Variants in SPECC1L observed in about 807,000 individuals in gnomAD.
SPECC1L encodes the protein cytospin-A.
In SPECC1L, 40 loss-of-function variants were observed where a neutral mutation model predicts 116.8. That is an observed-to-expected ratio of 0.34 (90% CI 0.27 to 0.45). SPECC1L has a LOEUF of 0.45. Ranked by LOEUF, SPECC1L falls within the 20% of genes least tolerant of loss-of-function variation. SPECC1L has a pLI of 1.00. For missense variants in SPECC1L, 1,110 were observed against 1,373.6 expected (o/e 0.81, Z 3.03); for synonymous variants, 504 against 500.6 (o/e 1.01, Z -0.09).
rs2042783374 is a variant in SPECC1L at position 24,415,393 on chromosome 22, TTTC to T, written c.*774_*776del. Reference sequence around the variant, plus strand: ...TTGGAGTCCCAGCTCTGGCTTTAGATTTCTTCATCATAAGGAGTTTTTCTAGTT... The same window carrying T: ...TTGGAGTCCCAGCTCTGGCTTTAGATTTCATCATAAGGAGTTTTTCTAGTT... On this transcript the variant is annotated 3_prime_UTR_variant, in exon 17 of 17. Transcript: ENST00000314328. 2.0e-5 allele frequency: 3 copies of T among 152,846 alleles called. No individual in the cohort carries two copies. The highest frequency in any genetic ancestry group is 3.9e-4 in the East Asian group (2 of 5,180). 9.5% of individuals were successfully genotyped at this position (152,846 alleles called of 1,614,324 possible).
intron 14 of SPECC1L, 96 bp downstream of exon 14, chr22:24,369,416 T>G: frequency 1.1e-6 from 1 of 896,242 alleles, no homozygotes; most frequent in Non-Finnish European, 1.9e-6. Flanking sequence ...AAATGATAAG[T>G]CCTGACCTGG....
chr22:24,329,201 G>GGAAATGCTT (rs2040888739), intron 7 of SPECC1L, among the ~76,000 whole-genome samples: 2 of 152,186 alleles, frequency 1.3e-5, no homozygotes, highest in African/African-American at 4.8e-5. Flanking sequence ...GATACTCAAA[G>GGAAATGCTT]GAAATGCTTA....
chr22:24,271,266 C>T (rs2048721275), intron 1 of SPECC1L, among the ~76,000 whole-genome samples: 1 of 152,248 alleles, frequency 6.6e-6, no homozygotes, highest in Non-Finnish European at 1.5e-5. Context: ...GGTTCTGGGA[C>T]CCCGCTTGCG....
intron 3 of SPECC1L, among the ~76,000 whole-genome samples, chr22:24,307,299 A>C (rs1035285421): frequency 1.2e-4 from 18 of 152,284 alleles, no homozygotes; most frequent in Non-Finnish European, 1.0e-4. Flanking sequence ...CGTCCTCTGC[A>C]ATAGTTGTTA....
chr22:24,398,959 C>T (rs1302016287), intron 14 of SPECC1L, among the ~76,000 whole-genome samples: 3 of 152,188 alleles, frequency 2.0e-5, no homozygotes, highest in African/African-American at 7.2e-5. Context: ...TGAGTAATAT[C>T]CCCTGCCAAA....
chr22:24,322,264 C>G lies in SPECC1L; in HGVS notation c.1284C>G (p.Thr428=), dbSNP rs201734525. ...AGCTAGCTGATTTACAGCAGATTAC[C>G]CAGGAACTGAATAGTGAAAACGAAA... is the stretch of plus-strand genomic sequence containing the variant. ...LQELADLQQI[T]QELNSENERL... Residue 428 remains threonine (T), a synonymous_variant, in exon 5 of 17, where the codon ACC becomes ACG. Coordinates refer to ENST00000314328, the MANE Select transcript of SPECC1L (RefSeq NM_015330.6). 2 of 1,614,148 alleles carry G rather than the reference C, an allele frequency of 1.2e-6. No homozygotes were observed. The highest frequency in any genetic ancestry group is 1.7e-6 in the Non-Finnish European group (2 of 1,180,032).
intron 4 of SPECC1L, among the ~76,000 whole-genome samples, chr22:24,320,394 C>T (rs979605049): frequency 3.9e-5 from 6 of 152,144 alleles, no homozygotes; most frequent in Non-Finnish European, 7.4e-5. Context: ...ATGTGATTCA[C>T]GTAGATTTGA....
At chr22:24,372,168 A>T (rs1601299719) in intron 14 of SPECC1L, among the ~76,000 whole-genome samples, 1 of 152,222 alleles carries the variant, frequency 6.6e-6, no homozygotes, top group East Asian at 1.9e-4. Flanking sequence ...AAAGTCCAAG[A>T]CCAGATGGAT....
At chr22:24,300,664 T>A (rs1274088399) in intron 2 of SPECC1L, among the ~76,000 whole-genome samples, 2 of 152,216 alleles carry the variant, frequency 1.3e-5, no homozygotes, top group Admixed American at 6.5e-5. Context: ...ATCATTGCAA[T>A]TCTGACTGGC....
chr22:24,341,108 C>G lies in SPECC1L; in HGVS notation c.2652+2631C>G, dbSNP rs868538786. 2.0e-5 allele frequency among the ~76,000 whole-genome samples: 3 copies of G among 152,032 alleles called. No individual in the cohort carries two copies. In the South Asian group the frequency reaches 6.2e-4, roughly 31 times the overall value. On this transcript the variant is annotated intron_variant, in intron 10 of 16. Coordinates refer to ENST00000314328, the MANE Select transcript of SPECC1L (RefSeq NM_015330.6). ...CTACATGGAGCAGGGAAGAGAAAAC[C>G]AATTGGATCTGAGTAGACACAAATC...
intron 14 of SPECC1L, among the ~76,000 whole-genome samples, chr22:24,390,872 C>CT (rs1016008966): frequency 0.016 from 911 of 57,158 alleles, 69 homozygotes; most frequent in East Asian, 0.033. Flanking sequence ...TTTTTCTTTT[C>CT]TTTTTTTTTT....
chr22:24,311,804 C>G (rs1248732006), intron 3 of SPECC1L, among the ~76,000 whole-genome samples: 2 of 46,566 alleles, frequency 4.3e-5, no homozygotes, highest in Non-Finnish European at 1.0e-4. Flanking sequence ...GACTTTGTCT[C>G]AAAAAAAAAA....
In SPECC1L at chr22:24,322,322, T is replaced by G. The variant is rs780064334; in HGVS notation, c.1342T>G (p.Ser448Ala). 3 of 1,614,094 alleles carry G rather than the reference T, an allele frequency of 1.9e-6. No individual in the cohort carries two copies. In the South Asian group the frequency reaches 3.3e-5, roughly 18 times the overall value. Residue 448 changes from serine (S) to alanine (A), a missense_variant, in exon 5 of 17, where the codon TCT becomes GCT. Ser to Ala is a moderately conservative substitution (Grantham distance 99). Around this residue, in one of 4 missense-constraint regions of SPECC1L, gnomAD observed 575 missense variants for 682.4 expected, o/e 0.84. Coordinates refer to ENST00000314328, the MANE Select transcript of SPECC1L (RefSeq NM_015330.6). ...LGEEKVILME[S>A]LCQQSDKLEH... ...AGAAGAGAAGGTTATTCTGATGGAG[T>G]CTTTATGTCAGCAGAGCGATAAGTT...
intron 14 of SPECC1L, among the ~76,000 whole-genome samples, chr22:24,371,212 C>T (rs575905522): frequency 6.6e-6 from 1 of 152,282 alleles, no homozygotes; most frequent in South Asian, 2.1e-4. Flanking sequence ...CATTATACAA[C>T]ACTGCACCCA....
intron 14 of SPECC1L, among the ~76,000 whole-genome samples, chr22:24,373,895 C>T (rs2041918758): frequency 6.6e-6 from 1 of 152,022 alleles, no homozygotes; most frequent in Admixed American, 6.6e-5. Flanking sequence ...GGGCTAATAT[C>T]CAGAATCTAC....
At chr22:24,307,964 C>G (rs2049534997) in intron 3 of SPECC1L, among the ~76,000 whole-genome samples, 1 of 151,872 alleles carries the variant, frequency 6.6e-6, no homozygotes, top group Non-Finnish European at 1.5e-5. Context: ...AGCTGAAGGA[C>G]TAGTACTAAG....
At chr22:24,311,203 A>C (rs527657300) in intron 3 of SPECC1L, among the ~76,000 whole-genome samples, 1 of 152,350 alleles carries the variant, frequency 6.6e-6, no homozygotes, top group East Asian at 1.9e-4. Flanking sequence ...GCCAAAGGCA[A>C]ATTGTAACCA....
intron 14 of SPECC1L, among the ~76,000 whole-genome samples, chr22:24,389,370 C>T (rs1005661613): frequency 6.6e-6 from 1 of 152,052 alleles, no homozygotes; most frequent in African/African-American, 2.4e-5. Flanking sequence ...CCACCTCAAC[C>T]CCCCAAAGTG....
At chr22:24,283,703 G>T (rs1204025231) in intron 2 of SPECC1L, among the ~76,000 whole-genome samples, 1 of 152,090 alleles carries the variant, frequency 6.6e-6, no homozygotes, top group African/African-American at 2.4e-5. Flanking sequence ...TACGCCTGGG[G>T]TTTTCTTTGT....
Sources: allele counts gnomAD v4.1 joint callset (sites outside exome capture counted in the v4.1 genomes callset), GRCh38; gene constraint gnomAD v4.1.1; regional missense constraint gnomAD v4.1.1; transcripts MANE v1.5; gene names NCBI Gene and HGNC (gene_info 2026-07-23, HGNC 2026-07-21).